Variants in IL1RAPL1 observed in about 807,000 individuals in gnomAD.
The protein encoded by IL1RAPL1 is interleukin 1 receptor accessory protein like 1.
A neutral mutation model predicts 48.4 loss-of-function variants in IL1RAPL1; 3 were observed. That is an observed-to-expected ratio of 0.06 (90% CI 0.03 to 0.16). IL1RAPL1 has a LOEUF of 0.16. Among genes scored for constraint, IL1RAPL1 ranks in the 10% least tolerant of loss-of-function variants. The probability of loss-of-function intolerance (pLI) is 1.00; values close to 1 mark genes in which losing one functional copy is unlikely to be tolerated. For missense variants in IL1RAPL1, 349 were observed against 530.6 expected, an observed-to-expected ratio of 0.66 and a Z score of 3.36; for synonymous variants, 185 against 187.7, an observed-to-expected ratio of 0.99 and a Z score of 0.12.
rs571657928 is a variant in IL1RAPL1, at chrX:29,314,528, C to T, written c.362+31311C>T. Among the ~76,000 whole-genome samples the T allele has an allele frequency of 9.8e-5, 11 of 112,550 alleles. No individual in the cohort carries two copies. In the East Asian group the frequency reaches 1.1e-3, roughly 11 times the overall value. Reference sequence around the variant, plus strand: ...AAATGCAGTTTCAGGAATTTCCTGACGCTGTATATTAGTTTACAACATTAT... The same window carrying T: ...AAATGCAGTTTCAGGAATTTCCTGATGCTGTATATTAGTTTACAACATTAT... On this transcript the variant is annotated intron_variant, in intron 3 of 10. Transcript: ENST00000378993.
chrX:29,102,394 C>T (rs908070501), intron 2 of IL1RAPL1, among the ~76,000 whole-genome samples: 1 of 112,051 alleles, frequency 8.9e-6, no homozygotes. Context: ...TGGCCAGGCA[C>T]GGTGGCTCAC....
chrX:28,662,778 G>A (rs1934836643), intron 1 of IL1RAPL1, among the ~76,000 whole-genome samples: 4 of 111,393 alleles, frequency 3.6e-5, no homozygotes, highest in South Asian at 7.5e-4. Context: ...AAGGGGGTGA[G>A]GGGCTGAATA....
chrX:29,747,787 A>G (rs1928368439), intron 6 of IL1RAPL1, among the ~76,000 whole-genome samples: 1 of 112,635 alleles, frequency 8.9e-6, no homozygotes, highest in Non-Finnish European at 1.9e-5. Flanking sequence ...TGTATGATAC[A>G]GGAGACAGAC....
Position 29,802,960 on chromosome X carries a change from C to CATAT in IL1RAPL1, c.779-114502_779-114501insATAT, listed in dbSNP as rs1569173240. Among the ~76,000 whole-genome samples the CATAT allele has an allele frequency of 2.6e-3, 148 of 56,788 alleles. 9 individuals carry two copies. Among genetic ancestry groups the CATAT allele is most frequent in the African/African-American group, 5.9e-3 (74 of 12,593 alleles). The allele number at this position is 56,788 out of a possible 115,157, so 49.3% of individuals were successfully genotyped here. ...GTACATATGTATGCATATATGTATA[C>CATAT]ATGTGTACATATATACATACATGTG... On this transcript the variant is annotated intron_variant, in intron 6 of 10. Transcript: ENST00000378993.
intron 2 of IL1RAPL1, among the ~76,000 whole-genome samples, chrX:28,904,210 T>C (rs5943575): frequency 0.42 from 46,123 of 110,247 alleles, 6,982 homozygotes; most frequent in Middle Eastern, 0.58. Flanking sequence ...CATAAATAAA[T>C]AATTGTGAAG....
chrX:29,222,815 T>C (rs1230123302), intron 2 of IL1RAPL1, among the ~76,000 whole-genome samples: 1 of 111,529 alleles, frequency 9.0e-6, no homozygotes, highest in Non-Finnish European at 1.9e-5. Flanking sequence ...AGGGCTGGCA[T>C]CTTTTAAAGT....
At chrX:29,338,709 C>G (rs1933031432) in intron 3 of IL1RAPL1, among the ~76,000 whole-genome samples, 1 of 111,129 alleles carries the variant, frequency 9.0e-6, no homozygotes, top group African/African-American at 3.3e-5. Context: ...TCCCCTTCTT[C>G]TCTTCCTGTC....
At chrX:28,683,948 A>G (rs764295524) in intron 1 of IL1RAPL1, among the ~76,000 whole-genome samples, 1 of 111,879 alleles carries the variant, frequency 8.9e-6, no homozygotes, top group African/African-American at 3.2e-5. Flanking sequence ...TCCCTAACTC[A>G]AGATCCTTAA....
chrX:28,802,646 G>A (rs1378636941), intron 2 of IL1RAPL1, among the ~76,000 whole-genome samples: 3 of 111,965 alleles, frequency 2.7e-5, no homozygotes, highest in African/African-American at 6.5e-5. Flanking sequence ...GTTGTAAATA[G>A]TAAAGAAAAA....
intron 2 of IL1RAPL1, among the ~76,000 whole-genome samples, chrX:28,974,074 C>CT (rs1308986269): frequency 9.0e-6 from 1 of 111,571 alleles, no homozygotes; most frequent in Non-Finnish European, 1.9e-5. Context: ...TAAGGGTCTA[C>CT]TACGGGCCTG....
intron 5 of IL1RAPL1, among the ~76,000 whole-genome samples, chrX:29,422,209 G>A (rs1432034789): frequency 9.0e-6 from 1 of 111,610 alleles, no homozygotes; most frequent in African/African-American, 3.3e-5. Context: ...CTGAGAGACA[G>A]GTTAGTCTTC....
chrX:29,671,987 A>G (rs781091059), intron 6 of IL1RAPL1, among the ~76,000 whole-genome samples: 1 of 112,171 alleles, frequency 8.9e-6, no homozygotes, highest in Non-Finnish European at 1.9e-5. Flanking sequence ...AATGGTAGAA[A>G]TTTTGGGGAA....
chrX:29,919,872 G>A (rs746852113), intron 7 of IL1RAPL1, 77 bp from the exon 8 acceptor site: 19 of 975,824 alleles, frequency 1.9e-5, no homozygotes, highest in Non-Finnish European at 2.8e-5. Context: ...CATCAGATTC[G>A]GATTCATCTA....
chrX:28,834,634 G>C (rs1361790655), intron 2 of IL1RAPL1, among the ~76,000 whole-genome samples: 3 of 111,291 alleles, frequency 2.7e-5, no homozygotes, highest in Non-Finnish European at 5.7e-5. Context: ...AGTAACATTT[G>C]TTTATGTTCG....
intron 5 of IL1RAPL1, among the ~76,000 whole-genome samples, chrX:29,496,634 A>G (rs1342030562): frequency 9.0e-6 from 1 of 110,616 alleles, no homozygotes; most frequent in Non-Finnish European, 1.9e-5. Flanking sequence ...TTTCAGTATA[A>G]ATTACCCAGT....
In IL1RAPL1 at chrX:29,802,317, T is replaced by C. The variant is rs1299230575; in HGVS notation, c.779-115147T>C. Among the ~76,000 whole-genome samples the C allele has an allele frequency of 5.4e-5, 6 of 112,066 alleles. No homozygotes were observed. In the East Asian group the frequency reaches 1.7e-3, roughly 31 times the overall value. On this transcript the variant is annotated intron_variant, in intron 6 of 10. Transcript: ENST00000378993. ...ATGAGAAAGTAAAAGAGTATTTTGA[T>C]TTAACATTTGAAATTATAATATTAG... is the stretch of plus-strand genomic sequence containing the variant.
intron 2 of IL1RAPL1, among the ~76,000 whole-genome samples, chrX:29,004,073 C>G (rs1925920122): frequency 1.8e-5 from 2 of 110,723 alleles, no homozygotes; most frequent in Admixed American, 9.6e-5. Flanking sequence ...ACCCAGGAGG[C>G]AGAGGTTGCA....
intron 1 of IL1RAPL1, among the ~76,000 whole-genome samples, chrX:28,600,545 G>C (rs753208701): frequency 5.2e-4 from 57 of 110,111 alleles, no homozygotes; most frequent in Non-Finnish European, 4.4e-4. Context: ...GAACAGAGTA[G>C]AGTGGGGCCA....
At chrX:28,701,509 A>T in intron 1 of IL1RAPL1, among the ~76,000 whole-genome samples, 1 of 112,200 alleles carries the variant, frequency 8.9e-6, no homozygotes, top group Middle Eastern at 4.6e-3. Flanking sequence ...TGTTTTGCAA[A>T]CTCCATAAAG....
Sources: allele counts gnomAD v4.1 joint callset (sites outside exome capture counted in the v4.1 genomes callset), GRCh38; gene constraint gnomAD v4.1.1; transcripts MANE v1.5; gene names NCBI Gene and HGNC (gene_info 2026-07-23, HGNC 2026-07-21).